The following LYSMD4 variants were observed in gnomAD, a reference collection of about 807,000 sequenced individuals.
The protein encoded by LYSMD4 is LysM domain containing 4.
LYSMD4 carries 9 observed loss-of-function variants against 6.1 expected under a neutral mutation model. The observed-to-expected ratio is 1.47, with a 90% confidence interval of 0.88 to 2.56. LYSMD4 has a LOEUF of 2.56. Ranked by LOEUF, LYSMD4 falls within the 30% of genes most tolerant of loss-of-function variation. The pLI is 0.00. For missense variants in LYSMD4, 384 were observed against 373.5 expected, an observed-to-expected ratio of 1.03 and a Z score of -0.23; for synonymous variants, 143 against 148.5, an observed-to-expected ratio of 0.96 and a Z score of 0.27.
chr15:99,717,649 A>G (rs544872398), exon 1 of LYSMD4: 1 of 152,352 alleles, frequency 6.6e-6, no homozygotes, highest in South Asian at 2.1e-4. Flanking sequence ...CCAGCCCCAA[A>G]TGCACATAGC....
Position 99,729,193 on chromosome 15 carries a change from A to G in LYSMD4, c.821T>C (p.Leu274Pro), listed in dbSNP as rs1163265650. 4.3e-6 allele frequency: 7 copies of G among 1,614,112 alleles called. No homozygotes were observed. Among genetic ancestry groups the G allele is most frequent in the East Asian group, 2.2e-5 (1 of 44,904 alleles). Residue 274 changes from leucine to proline, a missense_variant, in exon 3 of 3, where the codon CTA (leucine) becomes CCA (proline). Transcript: ENST00000684762. Reference sequence around the variant, plus strand: ...AGTGACGGCTGGCACTGCAACTGCTAGTCTGGGGGCTTGCCCTGGAACTGT... The same window carrying G: ...AGTGACGGCTGGCACTGCAACTGCTGGTCTGGGGGCTTGCCCTGGAACTGT... Reference protein sequence around the residue: ...MGTVPGQAPRLAVAVPAVTSA... With the variant: ...MGTVPGQAPRPAVAVPAVTSA...
intron 1 of LYSMD4, 85 bp from the exon 2 acceptor site, chr15:99,732,092 G>A: frequency 1.4e-6 from 2 of 1,382,514 alleles, no homozygotes; most frequent in Non-Finnish European, 9.7e-7. Context: ...TCTTGTTAGA[G>A]AGTATTCCTT....
At chr15:99,730,070 A>T (rs1228741979) in intron 2 of LYSMD4, among the ~76,000 whole-genome samples, 1 of 152,222 alleles carries the variant, frequency 6.6e-6, no homozygotes, top group Non-Finnish European at 1.5e-5. Context: ...CATGGCACTG[A>T]AAGGAATGTT....
rs748314763 is a variant in LYSMD4 at position 99,729,672 on chromosome 15, T to C, written c.342A>G (p.Lys114=). ...FIREQDLYAL[K]SVKIPVRNHG... ...GGTTTCTCACTGGAATCTTAACAGA[T>C]TTCAAAGCATATAAGTCTTGTTCTC... The change falls in exon 3 of 3, where the codon AAA becomes AAG. Residue 114 remains lysine, a synonymous_variant. Transcript: ENST00000684762. 3 of 1,613,920 alleles carry C rather than the reference T, an allele frequency of 1.9e-6. No homozygotes were observed. The highest frequency in any genetic ancestry group is 2.2e-5 in the South Asian group (2 of 91,084).
chr15:99,722,842 C>T (rs1013619474), downstream of LYSMD4, among the ~76,000 whole-genome samples: 3 of 151,986 alleles, frequency 2.0e-5, no homozygotes, highest in Admixed American at 6.6e-5. Flanking sequence ...GACCAGCCTG[C>T]GCAACATGAC....
In LYSMD4 at chr15:99,731,818, TG is replaced by T; in HGVS notation, c.181del (p.His61ThrfsTer53). 1 of 1,612,636 alleles carries T rather than the reference TG, an allele frequency of 6.2e-7. No individual in the cohort carries two copies. ...RGKERHKSGV[H>X]QPPQAGAGDV... is the part of the protein sequence containing the mutation. ...ACCTGCTCCCGCCTGGGGAGGCTGG[TG>T]GACACCGCTCTTGTGGCGCTCCTTG... On this transcript the variant is annotated frameshift_variant, in exon 2 of 3. Coordinates refer to ENST00000684762, the MANE Select transcript of LYSMD4 (RefSeq NM_001284417.2). LOFTEE classifies it high-confidence loss of function.
rs1222785240 is a variant in LYSMD4, at chr15:99,729,046, CT to C, written c.*76del. ...TCCCCGGAAGCAAAATGCAGCACCC[CT>C]AGGACATCGCCAGTGACAGCTGAGG... On this transcript the variant is annotated 3_prime_UTR_variant, in exon 3 of 3. Coordinates refer to ENST00000684762, the MANE Select transcript of LYSMD4 (RefSeq NM_001284417.2). The C allele has an allele frequency of 6.4e-7, 1 of 1,572,980 alleles. No homozygotes were observed. The highest frequency in any genetic ancestry group is 1.3e-5 in the African/African-American group (1 of 74,208).
In LYSMD4 at chr15:99,731,732, G is replaced by A. The variant is rs1214250687; in HGVS notation, c.268C>T (p.Gln90Ter). 1 of 1,599,408 alleles carries A rather than the reference G, an allele frequency of 6.3e-7. No homozygotes were observed. The highest frequency in any genetic ancestry group is 8.5e-7 in the Non-Finnish European group (1 of 1,173,294). The change falls in exon 2 of 3, where the codon CAG becomes TAG. Residue 90 changes from glutamine to a stop codon, truncating the protein, a stop_gained. Transcript: ENST00000684762. LOFTEE classifies it low-confidence loss of function (END_TRUNC). ...GGGTGTCTTACTTTGCAGCCATACT[G>A]CAGCGCCAGCTTGTTGAGGCTGTCC... ...QEDSLNKLAL[Q>*]YGCKVADIKK...
intron 2 of LYSMD4, 107 bp from the exon 3 acceptor site, chr15:99,729,838 A>G (rs542777922): frequency 7.5e-7 from 1 of 1,342,048 alleles, no homozygotes; most frequent in East Asian, 2.4e-5. Flanking sequence ...AGCCCACTTC[A>G]CTGACGAATC....
At chr15:99,716,591 G>T (rs2059171580) in exon 1 of LYSMD4, 1 of 456,584 alleles carries the variant, frequency 2.2e-6, no homozygotes, top group African/African-American at 2.0e-5. Flanking sequence ...CTTTCACGAA[G>T]ACCTTTTTCA....
chr15:99,717,072 A>G (rs1385355043), exon 1 of LYSMD4: 2 of 167,760 alleles, frequency 1.2e-5, no homozygotes, highest in African/African-American at 4.8e-5. Context: ...GAAAATGAAA[A>G]ATCTTCAACT....
chr15:99,733,216 G>GGGT (rs2059466096), intron 1 of LYSMD4, 129 bp downstream of exon 1: 1 of 374,404 alleles, frequency 2.7e-6, no homozygotes, highest in African/African-American at 2.1e-5. Flanking sequence ...TCCAGCTGGA[G>GGGT]CGTCCCCCTA....
chr15:99,726,713 A>G (rs2059286147), downstream of LYSMD4, among the ~76,000 whole-genome samples: 1 of 152,178 alleles, frequency 6.6e-6, no homozygotes, highest in Admixed American at 6.5e-5. Context: ...TTGGGCTTCA[A>G]CATTCAGCAC....
At chr15:99,721,344 T>G (rs528684691), upstream of LYSMD4, among the ~76,000 whole-genome samples, 1 of 152,288 alleles carries the variant, frequency 6.6e-6, no homozygotes, top group Non-Finnish European at 1.5e-5. Flanking sequence ...GATCTCAAAG[T>G]GCCCATAAGG....
chr15:99,718,649 A>G (rs771985755), upstream of LYSMD4, among the ~76,000 whole-genome samples: 13 of 152,146 alleles, frequency 8.5e-5, no homozygotes, highest in Non-Finnish European at 1.9e-4. Flanking sequence ...AGCTTTGGCC[A>G]TGAGGAGCTT....
downstream of LYSMD4, among the ~76,000 whole-genome samples, chr15:99,726,144 T>G (rs2059278060): frequency 1.1e-5 from 1 of 91,750 alleles, no homozygotes; most frequent in Non-Finnish European, 2.3e-5. Flanking sequence ...CTGTCTCAAG[T>G]GGTTTTTTTT....
upstream of LYSMD4, chr15:99,720,999 C>T (rs777683630): frequency 2.6e-5 from 4 of 152,194 alleles, no homozygotes; most frequent in Non-Finnish European, 2.9e-5. Flanking sequence ...TTCTATCACC[C>T]GTTTCAAAAA....
chr15:99,732,914 G>C (rs911036084), intron 1 of LYSMD4: 2 of 157,388 alleles, frequency 1.3e-5, no homozygotes, highest in African/African-American at 4.8e-5. Flanking sequence ...CGGTCCTCGG[G>C]GGGTTGAGGG....
At chr15:99,731,076 G>A in intron 2 of LYSMD4, 1 of 1,156,530 alleles carries the variant, frequency 8.6e-7, no homozygotes, top group South Asian at 1.3e-5. Context: ...TATACCCCTA[G>A]AGAAGGCCAT....
Sources: allele counts gnomAD v4.1 joint callset (sites outside exome capture counted in the v4.1 genomes callset), GRCh38; gene constraint gnomAD v4.1.1; transcripts MANE v1.5; gene names NCBI Gene and HGNC (gene_info 2026-07-23, HGNC 2026-07-21).